The following ANGPT2 variants were observed in gnomAD, a reference collection of about 807,000 sequenced individuals.
ANGPT2 encodes the protein angiopoietin-2.
A neutral mutation model predicts 62.9 loss-of-function variants in ANGPT2; 28 were observed. The observed-to-expected ratio is 0.44, with a 90% confidence interval of 0.33 to 0.61. The LOEUF is 0.61. Ranked by LOEUF, ANGPT2 falls within the 20% of genes least tolerant of loss-of-function variation. The pLI, the probability that ANGPT2 is intolerant of heterozygous loss-of-function variation, is 0.03. For missense variants in ANGPT2, 727 were observed against 594.9 expected (o/e 1.22, Z -2.31); for synonymous variants, 284 against 207.8 (o/e 1.37, Z -3.15).
rs1343306707 is a variant in ANGPT2 at position 6,499,920 on chromosome 8, T to C, written c.*3181A>G. 3 of 1,613,602 alleles carry C rather than the reference T, an allele frequency of 1.9e-6. No homozygotes were observed. The Admixed American group carries it at 5.0e-5, about 27-fold the overall frequency. ...CGTTCGAACTGTCTCACCACTTCCC[T>C]GCAGCTCCCGTAAGTCAGATGTTGT... On this transcript the variant is annotated 3_prime_UTR_variant, in exon 9 of 9. Coordinates refer to ENST00000629816, the MANE Select transcript of ANGPT2 (RefSeq NM_001118887.2).
chr8:6,511,954 A>G (rs916693134), intron 7 of ANGPT2, among the ~76,000 whole-genome samples: 5 of 151,658 alleles, frequency 3.3e-5, no homozygotes, highest in African/African-American at 1.2e-4. Flanking sequence ...TGCCAGTTGA[A>G]AAAATATTTA....
intron 1 of ANGPT2, among the ~76,000 whole-genome samples, chr8:6,555,732 C>T (rs2959765): frequency 1.3e-5 from 2 of 151,962 alleles, no homozygotes; most frequent in South Asian, 2.1e-4. Context: ...GAAAGTGCTG[C>T]GATTACAGGC....
chr8:6,509,473 C>CG (rs1022192621), intron 7 of ANGPT2, among the ~76,000 whole-genome samples: 84 of 152,126 alleles, frequency 5.5e-4, no homozygotes, highest in Admixed American at 3.9e-4. Context: ...CAGGGGGCCC[C>CG]GGGGGGGATG....
At chr8:6,537,078 G>A (rs1011650724) in intron 1 of ANGPT2, among the ~76,000 whole-genome samples, 9 of 151,622 alleles carry the variant, frequency 5.9e-5, no homozygotes, top group Admixed American at 1.3e-4. Flanking sequence ...CATCTGCACC[G>A]AACTGCTCTC....
At chr8:6,558,159 T>C (rs922938587) in intron 1 of ANGPT2, among the ~76,000 whole-genome samples, 3 of 152,220 alleles carry the variant, frequency 2.0e-5, no homozygotes, top group African/African-American at 7.2e-5. Flanking sequence ...ATAATGCCAC[T>C]GTACGTGTTT....
At position 6,519,362 on chromosome 8, in the gene ANGPT2, G is replaced by A. The variant is rs185716473; in HGVS notation, c.927+502C>T. 4.6e-5 allele frequency among the ~76,000 whole-genome samples: 7 copies of A among 152,282 alleles called. No homozygotes were observed. The East Asian group carries it at 1.2e-3, about 25-fold the overall frequency. On this transcript the variant is annotated intron_variant, in intron 5 of 8. Coordinates refer to ENST00000629816, the MANE Select transcript of ANGPT2 (RefSeq NM_001118887.2). ...TAAAACTGCCACCATCCCCGTGTGA[G>A]GCAGGGCAGCGGTAGCTAACTGTAC...
rs1293931727 is a variant in ANGPT2 at position 6,509,003 on chromosome 8, C to G, written c.1256G>C (p.Gly419Ala). 2 of 1,613,992 alleles carry G rather than the reference C, an allele frequency of 1.2e-6. No individual in the cohort carries two copies. The highest frequency in any genetic ancestry group is 1.7e-6 in the Non-Finnish European group (2 of 1,180,034). ...AGKISSISQPGNDFSTKDGDN... is the reference protein window; with the variant it reads ...AGKISSISQPANDFSTKDGDN... ...TCCATCCTTTGTGCTAAAATCATTTCCTGGTTGGCTGATGCTGCTTATTTT... is the reference window on the plus strand; with the variant it reads ...TCCATCCTTTGTGCTAAAATCATTTGCTGGTTGGCTGATGCTGCTTATTTT... Residue 419 changes from glycine (G) to alanine (A), a missense_variant, in exon 8 of 9, where the codon GGA (glycine) becomes GCA (alanine). Physicochemically the swap from Gly to Ala is moderately conservative, Grantham distance 60. Transcript: ENST00000629816.
intron 1 of ANGPT2, among the ~76,000 whole-genome samples, chr8:6,539,655 T>G (rs576975302): frequency 2.6e-5 from 4 of 152,282 alleles, no homozygotes; most frequent in African/African-American, 9.6e-5. Context: ...GGCGTGATCT[T>G]GGCTCACTGC....
chr8:6,519,089 T>C (rs1447455275), intron 5 of ANGPT2, among the ~76,000 whole-genome samples: 5 of 152,158 alleles, frequency 3.3e-5, no homozygotes, highest in Non-Finnish European at 5.9e-5. Context: ...TGCCTTGAAG[T>C]GAACTCCGCT....
rs544354918 is a variant in ANGPT2, at chr8:6,547,287, G to A, written c.289-14800C>T. Reference sequence around the variant, plus strand: ...TCAGTGTGATTCTCCAAATGCTTGTGGTAAAAGTACAGAGACTTGAATCAT... The same window carrying A: ...TCAGTGTGATTCTCCAAATGCTTGTAGTAAAAGTACAGAGACTTGAATCAT... On this transcript the variant is annotated intron_variant, in intron 1 of 8. Coordinates refer to ENST00000629816, the MANE Select transcript of ANGPT2 (RefSeq NM_001118887.2). Among the ~76,000 whole-genome samples, 3 of 152,112 alleles carry A rather than the reference G, an allele frequency of 2.0e-5. No individual in the cohort carries two copies. In the South Asian group the frequency reaches 6.2e-4, roughly 32 times the overall value.
At chr8:6,541,810 C>T (rs1007792252) in intron 1 of ANGPT2, among the ~76,000 whole-genome samples, 1 of 152,072 alleles carries the variant, frequency 6.6e-6, no homozygotes, top group Non-Finnish European at 1.5e-5. Flanking sequence ...TCAAGACCAG[C>T]CTAGGCAACA....
rs1188568086 is a variant in ANGPT2, at chr8:6,500,283, A to G, written c.*2818T>C. The stretch of plus-strand genomic sequence containing the variant: ...AGAAATAGAACTGATAGGTATAAAG[A>G]TTATGGCTTGCTGGTGCTGTGATAA... On this transcript the variant is annotated 3_prime_UTR_variant, in exon 9 of 9. Transcript: ENST00000629816. 4.4e-6 allele frequency: 1 copy of G among 225,558 alleles called. No homozygotes were observed. Among genetic ancestry groups the G allele is most frequent in the Non-Finnish European group, 8.9e-6 (1 of 112,042 alleles). The allele number at this position is 225,558 out of a possible 1,614,324, so 14.0% of individuals were successfully genotyped here.
Position 6,508,480 on chromosome 8 carries a change from A to G in ANGPT2, c.1327+452T>C, listed in dbSNP as rs75406399. 932 of 188,398 alleles carry G rather than the reference A, an allele frequency of 4.9e-3. 4 individuals carry two copies. Among genetic ancestry groups the G allele is most frequent in the Non-Finnish European group, 7.3e-3 (687 of 93,636 alleles). 11.7% of individuals were successfully genotyped at this position (188,398 alleles called of 1,614,324 possible). A position where few individuals can be genotyped will look rare whatever the true frequency, so the allele number is the denominator to read the frequency against. ...ACAACTGGAGACTGTGTCTGTAAAT[A>G]AATAAATAATAAATGACAGCTGGAA... On this transcript the variant is annotated intron_variant, in intron 8 of 8. Transcript: ENST00000629816.
chr8:6,516,620 T>TA (rs1816323056), intron 5 of ANGPT2, among the ~76,000 whole-genome samples: 1 of 152,214 alleles, frequency 6.6e-6, no homozygotes, highest in South Asian at 2.1e-4. Context: ...TATTTCTTTT[T>TA]AAAAATCTAT....
At chr8:6,536,649 G>A (rs1376598863) in intron 1 of ANGPT2, among the ~76,000 whole-genome samples, 2 of 152,106 alleles carry the variant, frequency 1.3e-5, no homozygotes, top group Non-Finnish European at 2.9e-5. Context: ...GACTATGGAT[G>A]TCCATCATAT....
chr8:6,519,725 A>G, intron 5 of ANGPT2, 139 bp downstream of exon 5: 1 of 1,027,692 alleles, frequency 9.7e-7, no homozygotes, highest in Non-Finnish European at 1.4e-6. Flanking sequence ...TAGGCGAGGT[A>G]GCTGCCCAGT....
intron 1 of ANGPT2, among the ~76,000 whole-genome samples, chr8:6,560,651 C>T (rs1217906045): frequency 3.3e-5 from 5 of 152,150 alleles, no homozygotes; most frequent in South Asian, 4.1e-4. Context: ...CAGCTGAAGA[C>T]GGACTTTTGA....
Position 6,500,108 on chromosome 8 carries a change from C to CGT in ANGPT2, c.*2991_*2992dup, listed in dbSNP as rs1186293645. ...TTATTCGCGAGAACAAATGTGAGAA[C>CGT]GTGAGACCATTGTGCAAAAAGTAGT... On this transcript the variant is annotated 3_prime_UTR_variant, in exon 9 of 9. Coordinates refer to ENST00000629816, the MANE Select transcript of ANGPT2 (RefSeq NM_001118887.2). The CGT allele has an allele frequency of 4.3e-5, 27 of 622,190 alleles. No individual in the cohort carries two copies. In the Admixed American group the frequency reaches 6.7e-4, roughly 15 times the overall value. 38.5% of individuals were successfully genotyped at this position (622,190 alleles called of 1,614,324 possible). A position where few individuals can be genotyped will look rare whatever the true frequency, so the allele number is the denominator to read the frequency against.
intron 2 of ANGPT2, among the ~76,000 whole-genome samples, chr8:6,531,549 C>T (rs1466919368): frequency 6.6e-6 from 1 of 152,288 alleles, no homozygotes; most frequent in South Asian, 2.1e-4. Flanking sequence ...ATCTCGGCCT[C>T]CCAAAGTGCT....
Sources: allele counts gnomAD v4.1 joint callset (sites outside exome capture counted in the v4.1 genomes callset), GRCh38; gene constraint gnomAD v4.1.1; transcripts MANE v1.5; gene names NCBI Gene and HGNC (gene_info 2026-07-23, HGNC 2026-07-21).